Variants in ARFGAP1 observed in about 807,000 individuals in gnomAD.
ARFGAP1 encodes ADP-ribosylation factor GTPase-activating protein 1.
In ARFGAP1, 26 loss-of-function variants were observed where a neutral mutation model predicts 54.0. That is an observed-to-expected ratio of 0.48 (90% confidence interval 0.35 to 0.67). The LOEUF (loss-of-function observed/expected upper bound fraction) is 0.67. ARFGAP1 is among the 30% of genes least tolerant of loss of function. ARFGAP1 has a pLI of 0.00. For missense variants in ARFGAP1, 525 were observed against 535.8 expected, an observed-to-expected ratio of 0.98 and a Z score of 0.20; for synonymous variants, 248 against 211.9, an observed-to-expected ratio of 1.17 and a Z score of -1.48.
Position 63,284,908 on chromosome 20 carries a change from C to G in ARFGAP1, c.760C>G (p.Pro254Ala). ...CAGCCTGAACGAGAACGTCCTCAAG[C>G]CTGCGCAGGAGAAGGTAACGGGCAG... ...GHSLNENVLK[P>A]AQEKVKEGKI... The change falls in exon 10 of 13, where the codon CCT becomes GCT. Residue 254 changes from proline (P) to alanine (A), a missense_variant. Transcript: ENST00000370283. 1 of 1,613,314 alleles carries G rather than the reference C, an allele frequency of 6.2e-7. No individual in the cohort carries two copies. Among genetic ancestry groups the G allele is most frequent in the Non-Finnish European group, 8.5e-7 (1 of 1,179,918 alleles).
chr20:63,277,067 G>A (rs890601938), intron 4 of ARFGAP1, 138 bp from the exon 5 acceptor site: 2 of 667,304 alleles, frequency 3.0e-6, no homozygotes, highest in East Asian at 5.5e-5. Context: ...CCTGAGCAGG[G>A]GCCGTCGAGG....
intron 6 of ARFGAP1, 149 bp downstream of exon 6, chr20:63,278,352 C>T (rs1023214941): frequency 6.9e-6 from 5 of 723,328 alleles, no homozygotes; most frequent in African/African-American, 1.8e-5. Context: ...CAGTGAGTCC[C>T]AGCCAGCCCA....
intron 5 of ARFGAP1, 89 bp from the exon 6 acceptor site, chr20:63,278,028 C>T (rs956516550): frequency 2.4e-5 from 30 of 1,248,300 alleles, no homozygotes; most frequent in African/African-American, 8.9e-5. Context: ...GCACTGCCCA[C>T]GTAGGCCACA....
At position 63,284,573 on chromosome 20, in the gene ARFGAP1, C is replaced by A; in HGVS notation, c.718-293C>A. 3.1e-6 allele frequency: 4 copies of A among 1,287,324 alleles called. No homozygotes were observed. The South Asian group carries it at 6.3e-5, about 20-fold the overall frequency. The allele number at this position is 1,287,324 out of a possible 1,614,324, so 79.7% of individuals were successfully genotyped here. A position where few individuals can be genotyped will look rare whatever the true frequency, so the allele number is the denominator to read the frequency against. Reference sequence around the variant, plus strand: ...AGGCACAGGCTCCACAGGGCCTGTTCCCACCAGCCCGGCCCGGCAGGGCCG... The same window carrying A: ...AGGCACAGGCTCCACAGGGCCTGTTACCACCAGCCCGGCCCGGCAGGGCCG... On this transcript the variant is annotated intron_variant, in intron 9 of 12. Coordinates refer to ENST00000370283, the MANE Select transcript of ARFGAP1 (RefSeq NM_018209.4).
chr20:63,286,563 C>T, intron 12 of ARFGAP1, 121 bp downstream of exon 12: 2 of 975,454 alleles, frequency 2.1e-6, no homozygotes, highest in Non-Finnish European at 3.1e-6. Flanking sequence ...TGTGGAGGCT[C>T]TCCGGGAGGT....
chr20:63,283,661 C>T (rs1378007251), intron 9 of ARFGAP1: 10 of 574,126 alleles, frequency 1.7e-5, no homozygotes, highest in South Asian at 9.5e-5. Context: ...TGCAGTCGCT[C>T]GCGCAGTTTC....
chr20:63,281,169 A>C (rs2067370673), intron 7 of ARFGAP1, 122 bp from the exon 8 acceptor site: 26 of 1,039,430 alleles, frequency 2.5e-5, no homozygotes, highest in Non-Finnish European at 3.2e-5. Context: ...CGGTGGGGTC[A>C]GGATGGGACG....
At chr20:63,274,008 A>G (rs765867250) in intron 1 of ARFGAP1, 3 of 152,200 alleles carry the variant, frequency 2.0e-5, no homozygotes, top group East Asian at 1.9e-4. Flanking sequence ...AGTCGGCTGT[A>G]TAGGTGGATG....
At position 63,276,664 on chromosome 20, in the gene ARFGAP1, C is replaced by G; in HGVS notation, c.342+13C>G. On this transcript the variant is annotated intron_variant, in intron 4 of 12. Transcript: ENST00000370283. This position sits in a 1 kb window ranked among gnomAD's most constrained non-coding sequence, Gnocchi z 5.2. ...CTTTAGGGATAAGGTAGAGATGGGC[C>G]CGATTCACTCTTGCCCATGGTGTGG... The G allele has an allele frequency of 6.3e-7, 1 of 1,591,474 alleles. No homozygotes were observed. The highest frequency in any genetic ancestry group is 8.6e-7 in the Non-Finnish European group (1 of 1,167,272).
chr20:63,273,715 A>G (rs1043458132), intron 1 of ARFGAP1, among the ~76,000 whole-genome samples: 1 of 151,976 alleles, frequency 6.6e-6, no homozygotes, highest in Admixed American at 6.6e-5. Context: ...CATGGTTCTG[A>G]CTTTTGTTTG....
chr20:63,288,005 G>A lies in ARFGAP1; in HGVS notation c.*132G>A. The A allele has an allele frequency of 1.8e-6, 2 of 1,116,638 alleles. No homozygotes were observed. Among genetic ancestry groups the A allele is most frequent in the Non-Finnish European group, 2.5e-6 (2 of 808,344 alleles). The allele number at this position is 1,116,638 out of a possible 1,614,324, so 69.2% of individuals were successfully genotyped here. A position where few individuals can be genotyped will look rare whatever the true frequency, so the allele number is the denominator to read the frequency against. ...GTGAGGACAGCGTCTCGGGAGGCAGGACCCTAGGGAGACCCGGGTGTGCGC... is the reference window on the plus strand; with the variant it reads ...GTGAGGACAGCGTCTCGGGAGGCAGAACCCTAGGGAGACCCGGGTGTGCGC... On this transcript the variant is annotated 3_prime_UTR_variant, in exon 13 of 13. Coordinates refer to ENST00000370283, the MANE Select transcript of ARFGAP1 (RefSeq NM_018209.4).
chr20:63,283,899 C>A, intron 9 of ARFGAP1: 1 of 1,613,184 alleles, frequency 6.2e-7, no homozygotes, highest in Non-Finnish European at 8.5e-7. Context: ...CGTGTCTGCT[C>A]GTGCATGCCG....
At chr20:63,285,914 C>G (rs2067523239) in intron 11 of ARFGAP1, 1 of 1,464,110 alleles carries the variant, frequency 6.8e-7, no homozygotes, top group Non-Finnish European at 9.1e-7. Context: ...GCCCGGTCAG[C>G]CACTAACTGT....
At chr20:63,283,789 G>A in intron 9 of ARFGAP1, 2 of 1,599,060 alleles carry the variant, frequency 1.3e-6, no homozygotes, top group Admixed American at 1.7e-5. Context: ...AGGCGCTGCT[G>A]GTTACTAATG....
chr20:63,287,553 C>T lies in ARFGAP1; in HGVS notation c.912-11C>T, dbSNP rs769182299. Reference sequence around the variant, plus strand: ...CAGTCATTTAGAGTCCCCCTTCTGTCTCTTTAAAAGCCCCTCGGAGGGCCA... The same window carrying T: ...CAGTCATTTAGAGTCCCCCTTCTGTTTCTTTAAAAGCCCCTCGGAGGGCCA... On this transcript the variant is annotated splice_polypyrimidine_tract_variant and intron_variant, in intron 12 of 12. Transcript: ENST00000370283. The T allele has an allele frequency of 2.5e-6, 4 of 1,569,582 alleles. No individual in the cohort carries two copies. In the South Asian group the frequency reaches 4.6e-5, roughly 18 times the overall value.
At position 63,288,313 on chromosome 20, in the gene ARFGAP1, T is replaced by C; in HGVS notation, c.*440T>C. 2.1e-6 allele frequency: 1 copy of C among 465,880 alleles called. No homozygotes were observed. Among genetic ancestry groups the C allele is most frequent in the Non-Finnish European group, 4.3e-6 (1 of 233,676 alleles). 28.9% of individuals were successfully genotyped at this position (465,880 alleles called of 1,614,324 possible). On this transcript the variant is annotated 3_prime_UTR_variant, in exon 13 of 13. Coordinates refer to ENST00000370283, the MANE Select transcript of ARFGAP1 (RefSeq NM_018209.4). ...TTTAACTTTGGTTTTGCTCTAGTTC[T>C]TTCTTTTTGAAGAGAGTGACTGGAG... is the stretch of plus-strand genomic sequence containing the variant.
intron 8 of ARFGAP1, among the ~76,000 whole-genome samples, chr20:63,282,043 A>G (rs1434555046): frequency 1.3e-5 from 2 of 151,720 alleles, no homozygotes; most frequent in Admixed American, 1.3e-4. Context: ...TTCCCCCGTC[A>G]CAGCGCTCAC....
At chr20:63,275,973 AC>A in intron 2 of ARFGAP1, 117 bp from the exon 3 acceptor site, 1 of 889,976 alleles carries the variant, frequency 1.1e-6, no homozygotes. Flanking sequence ...CCTGACCCAC[AC>A]CCCCGGCCAC....
In ARFGAP1 at chr20:63,281,280, G is replaced by A. The variant is rs764321006; in HGVS notation, c.628-11G>A. ...AGTCCTGATGTGGCTGCTCTTTGTC[G>A]CCTCCCTCAGGGCTGGAGCAGCTTC... On this transcript the variant is annotated splice_polypyrimidine_tract_variant and intron_variant, in intron 7 of 12. Transcript: ENST00000370283. 3.9e-5 allele frequency: 62 copies of A among 1,595,574 alleles called. No homozygotes were observed. The highest frequency in any genetic ancestry group is 1.7e-4 in the Middle Eastern group (1 of 6,052).
Sources: allele counts gnomAD v4.1 joint callset (sites outside exome capture counted in the v4.1 genomes callset), GRCh38; gene constraint gnomAD v4.1.1; non-coding constraint Gnocchi (gnomAD v3.1); transcripts MANE v1.5; gene names NCBI Gene and HGNC (gene_info 2026-07-23, HGNC 2026-07-21).